The following HID1 variants were observed in gnomAD, a reference collection of about 807,000 sequenced individuals.
The protein encoded by HID1 is HID1 domain containing, also known as protein HID1.
In HID1, 42 loss-of-function variants were observed where a neutral mutation model predicts 89.7. That is an observed-to-expected ratio of 0.47 (90% CI 0.37 to 0.61). HID1 has a LOEUF of 0.61. HID1 is among the 20% of genes least tolerant of loss of function. The probability of loss-of-function intolerance (pLI) is 0.00; values close to 1 mark genes in which losing one functional copy is unlikely to be tolerated. For missense variants in HID1, 854 were observed against 1,039.3 expected (o/e 0.82, Z 2.45); for synonymous variants, 442 against 433.8 (o/e 1.02, Z -0.24).
chr17:74,951,535 C>A lies in HID1; in HGVS notation c.*35G>T. 1.3e-6 allele frequency: 2 copies of A among 1,594,194 alleles called. No homozygotes were observed. Among genetic ancestry groups the A allele is most frequent in the East Asian group, 2.2e-5 (1 of 44,518 alleles). ...GAAGCCTCAGGGACCAAGGCCCTGC[C>A]TTCCCCTAGACTGAGCCCCTCGTCG... On this transcript the variant is annotated 3_prime_UTR_variant, in exon 19 of 19. Transcript: ENST00000425042.
In HID1 at chr17:74,959,031, C is replaced by T. The variant is rs756272962; in HGVS notation, c.1029G>A (p.Lys343=). 1 of 1,576,522 alleles carries T rather than the reference C, an allele frequency of 6.3e-7. No homozygotes were observed. Among genetic ancestry groups the T allele is most frequent in the East Asian group, 2.2e-5 (1 of 44,698 alleles). ...HREEDFQFIL[K]GIARLLSNPL... is the part of the protein sequence containing the mutation. ...GGTTGGACAGCAGCCGGGCTATACC[C>T]TTGAGGATGAACTGGAAGTCCTGGG... The change falls in exon 9 of 19, where the codon AAG becomes AAA. Residue 343 remains lysine (K), a synonymous_variant. Transcript: ENST00000425042. The surrounding 1 kb of genome is among the most constrained non-coding windows in gnomAD (Gnocchi z 4.6).
At position 74,964,585 on chromosome 17, in the gene HID1, G is replaced by A. The variant is rs748047251; in HGVS notation, c.114C>T (p.Asp38=). Reference sequence around the variant, plus strand: ...ACACATCCTGCACCGAGGTGGCTGTGTCTGCCCAGAACTGGTCCCAAAAGG... The same window carrying A: ...ACACATCCTGCACCGAGGTGGCTGTATCTGCCCAGAACTGGTCCCAAAAGG... ...DDAFWDQFWA[D]TATSVQDVFA... The change falls in exon 2 of 19, where the codon GAC becomes GAT. Residue 38 remains aspartate (D), a synonymous_variant. Coordinates refer to ENST00000425042, the MANE Select transcript of HID1 (RefSeq NM_030630.3). The A allele has an allele frequency of 4.3e-6, 7 of 1,612,374 alleles. No homozygotes were observed. Among genetic ancestry groups the A allele is most frequent in the South Asian group, 1.1e-5 (1 of 90,466 alleles).
intron 12 of HID1, among the ~76,000 whole-genome samples, chr17:74,957,795 G>A (rs1208155914): frequency 6.6e-6 from 1 of 152,040 alleles, no homozygotes; most frequent in Non-Finnish European, 1.5e-5. Flanking sequence ...ACCTACTCAG[G>A]AGGCTGAGGC....
At chr17:74,969,288 G>T (rs757117633) in intron 1 of HID1, among the ~76,000 whole-genome samples, 1 of 151,948 alleles carries the variant, frequency 6.6e-6, no homozygotes, top group Non-Finnish European at 1.5e-5. Flanking sequence ...TGTGCCTCCC[G>T]GGTTCACGCC....
chr17:74,958,652 C>T lies in HID1; in HGVS notation c.1240+21G>A. On this transcript the variant is annotated intron_variant, in intron 10 of 18. Coordinates refer to ENST00000425042, the MANE Select transcript of HID1 (RefSeq NM_030630.3). This position sits in a 1 kb window ranked among gnomAD's most constrained non-coding sequence, Gnocchi z 5.2. ...CGCCGCCAGGAAAGCCCCCAGCATC[C>T]CACCCCCACCCTGGTCTTACACTGA... 1.6e-6 allele frequency: 2 copies of T among 1,286,848 alleles called. No individual in the cohort carries two copies. Among genetic ancestry groups the T allele is most frequent in the South Asian group, 1.2e-5 (1 of 84,426 alleles). 79.7% of individuals were successfully genotyped at this position (1,286,848 alleles called of 1,614,324 possible). A position where few individuals can be genotyped will look rare whatever the true frequency, so the allele number is the denominator to read the frequency against.
chr17:74,952,420 C>G, intron 16 of HID1, 60 bp from the exon 17 acceptor site: 2 of 1,233,938 alleles, frequency 1.6e-6, no homozygotes, highest in South Asian at 2.5e-5. Flanking sequence ...GCGGGGCAAG[C>G]CTGACCCTGA....
chr17:74,963,031 G>C lies in HID1; in HGVS notation c.438C>G (p.Leu146=), dbSNP rs1316822351. 1 of 1,613,608 alleles carries C rather than the reference G, an allele frequency of 6.2e-7. No homozygotes were observed. Among genetic ancestry groups the C allele is most frequent in the East Asian group, 2.2e-5 (1 of 44,848 alleles). The change falls in exon 4 of 19, where the codon CTC becomes CTG. Residue 146 remains leucine (L), a synonymous_variant. Coordinates refer to ENST00000425042, the MANE Select transcript of HID1 (RefSeq NM_030630.3). The part of the protein sequence containing the change: ...EHARPLAESL[L]LAIADLLFCP... ...AGAAGAGCAGGTCAGCAATGGCCAG[G>C]AGCAGGGACTCGGCCAGGGGCCTGG... is the stretch of plus-strand genomic sequence containing the variant.
At chr17:74,967,230 C>T (rs1225063379) in intron 1 of HID1, among the ~76,000 whole-genome samples, 1 of 150,718 alleles carries the variant, frequency 6.6e-6, no homozygotes, top group Non-Finnish European at 1.5e-5. Flanking sequence ...GAGTGAGACT[C>T]CATTTCAAAA....
At chr17:74,961,271 T>C (rs2039475704) in intron 6 of HID1, among the ~76,000 whole-genome samples, 1 of 151,316 alleles carries the variant, frequency 6.6e-6, no homozygotes, top group Non-Finnish European at 1.5e-5. Flanking sequence ...TTGTATTTAT[T>C]TATTTTTTTT....
At chr17:74,971,529 TG>T (rs1170674853) in intron 1 of HID1, among the ~76,000 whole-genome samples, 10 of 151,840 alleles carry the variant, frequency 6.6e-5, no homozygotes, top group Non-Finnish European at 1.5e-5. Flanking sequence ...CAGCTGGCTG[TG>T]GGAGCTGGCT....
chr17:74,959,794 C>A lies in HID1; in HGVS notation c.1008+87G>T. ...CCCCAGCCCACAGAGAGCATGGTTCCTTCATGGAGGGGTCAGGATCCCCCA... is the reference window on the plus strand; with the variant it reads ...CCCCAGCCCACAGAGAGCATGGTTCATTCATGGAGGGGTCAGGATCCCCCA... On this transcript the variant is annotated intron_variant, in intron 8 of 18. Coordinates refer to ENST00000425042, the MANE Select transcript of HID1 (RefSeq NM_030630.3). The surrounding 1 kb of genome is among the most constrained non-coding windows in gnomAD (Gnocchi z 4.6). 1 of 1,403,732 alleles carries A rather than the reference C, an allele frequency of 7.1e-7. No individual in the cohort carries two copies. Among genetic ancestry groups the A allele is most frequent in the Non-Finnish European group, 1.0e-6 (1 of 995,458 alleles). The allele number at this position is 1,403,732 out of a possible 1,614,324, so 87.0% of individuals were successfully genotyped here.
rs375766032 is a variant in HID1 at position 74,951,557 on chromosome 17, G to C, written c.*13C>G. ...TGCCTTCCCCTAGACTGAGCCCCTCGTCGGCTTCATCCTCACACCCGCTGT... is the reference window on the plus strand; with the variant it reads ...TGCCTTCCCCTAGACTGAGCCCCTCCTCGGCTTCATCCTCACACCCGCTGT... On this transcript the variant is annotated 3_prime_UTR_variant, in exon 19 of 19. Transcript: ENST00000425042. 6 of 1,607,832 alleles carry C rather than the reference G, an allele frequency of 3.7e-6. No homozygotes were observed. The highest frequency in any genetic ancestry group is 4.2e-6 in the Non-Finnish European group (5 of 1,177,122).
chr17:74,954,596 C>G lies in HID1; in HGVS notation c.1637-231G>C. On this transcript the variant is annotated intron_variant, in intron 13 of 18. Coordinates refer to ENST00000425042, the MANE Select transcript of HID1 (RefSeq NM_030630.3). Reference sequence around the variant, plus strand: ...AGGCCTGAGCACCTCACAACACCCCCGCCCCAGTGCCTTTGAGTTCCCGCC... The same window carrying G: ...AGGCCTGAGCACCTCACAACACCCCGGCCCCAGTGCCTTTGAGTTCCCGCC... The G allele has an allele frequency of 5.8e-6, 4 of 684,406 alleles. No homozygotes were observed. In the South Asian group the frequency reaches 7.7e-5, roughly 13 times the overall value. The allele number at this position is 684,406 out of a possible 1,614,324, so 42.4% of individuals were successfully genotyped here.
rs2144838271 is a variant in HID1, at chr17:74,972,532, GC to G, written c.66+58del. The G allele has an allele frequency of 1.4e-6, 2 of 1,463,680 alleles. No homozygotes were observed. Among genetic ancestry groups the G allele is most frequent in the Non-Finnish European group, 1.9e-6 (2 of 1,077,098 alleles). The allele number at this position is 1,463,680 out of a possible 1,614,324, so 90.7% of individuals were successfully genotyped here. A position where few individuals can be genotyped will look rare whatever the true frequency, so the allele number is the denominator to read the frequency against. The stretch of plus-strand genomic sequence containing the variant: ...GACGAGCCAAGTTCGCGTACCCCCG[GC>G]CCTGCCCAGCCCCCAGCCCGGCAGG... On this transcript the variant is annotated intron_variant, in intron 1 of 18. Transcript: ENST00000425042. The surrounding 1 kb of genome is among the most constrained non-coding windows in gnomAD (Gnocchi z 6.4).
chr17:74,967,694 A>G (rs1231308374), intron 1 of HID1: 1 of 151,760 alleles, frequency 6.6e-6, no homozygotes, highest in Non-Finnish European at 1.5e-5. Flanking sequence ...TACAAAAAAA[A>G]TCAAAAAAAT....
intron 17 of HID1, 28 bp downstream of exon 17, chr17:74,952,241 C>T: frequency 1.3e-6 from 2 of 1,579,590 alleles, no homozygotes; most frequent in Non-Finnish European, 1.7e-6. Context: ...CCGCCCACAA[C>T]CCCCGGCCCT....
At position 74,958,270 on chromosome 17, in the gene HID1, C is replaced by G; in HGVS notation, c.1393-51G>C. On this transcript the variant is annotated intron_variant, in intron 11 of 18. Coordinates refer to ENST00000425042, the MANE Select transcript of HID1 (RefSeq NM_030630.3). The surrounding 1 kb of genome is among the most constrained non-coding windows in gnomAD (Gnocchi z 5.2). ...GTGGGGTCCCCGCTGCCTCCAGACT[C>G]AGCCAAGAGGACACCACCCCTGCAC... The G allele has an allele frequency of 1.2e-6, 2 of 1,609,582 alleles. No individual in the cohort carries two copies. Among genetic ancestry groups the G allele is most frequent in the Non-Finnish European group, 1.7e-6 (2 of 1,178,062 alleles).
chr17:74,966,177 C>G, intron 1 of HID1, among the ~76,000 whole-genome samples: 1 of 146,412 alleles, frequency 6.8e-6, no homozygotes, highest in East Asian at 2.1e-4. Flanking sequence ...CCCAGCTACT[C>G]AGGAGGCTGA....
At position 74,953,573 on chromosome 17, in the gene HID1, C is replaced by T. The variant is rs1438485924; in HGVS notation, c.1943G>A (p.Ser648Asn). Residue 648 changes from serine (S) to asparagine (N), a missense_variant, in exon 15 of 19, where the codon AGC (serine) becomes AAC (asparagine). Transcript: ENST00000425042. ...CTTAGCCGGGCTGCCATCCTCCAAG[C>T]TCTGCTGGGGCTCAGGTTCCAGGGA... ...LRSLEPEPQQ[S>N]LEDGSPAKGE... 3 of 1,613,956 alleles carry T rather than the reference C, an allele frequency of 1.9e-6. No homozygotes were observed. The African/African-American group carries it at 4.0e-5, about 22-fold the overall frequency.
Sources: allele counts gnomAD v4.1 joint callset (sites outside exome capture counted in the v4.1 genomes callset), GRCh38; gene constraint gnomAD v4.1.1; non-coding constraint Gnocchi (gnomAD v3.1); transcripts MANE v1.5; gene names NCBI Gene and HGNC (gene_info 2026-07-23, HGNC 2026-07-21).